The following SLC9A7 variants were observed in gnomAD, a reference collection of about 807,000 sequenced individuals.
SLC9A7 encodes the protein solute carrier family 9 member A7.
In SLC9A7, 19 loss-of-function variants were observed where a neutral mutation model predicts 52.6. The observed-to-expected ratio is 0.36, with a 90% confidence interval of 0.25 to 0.53. SLC9A7 has a LOEUF of 0.53. Among genes scored for constraint, SLC9A7 ranks in the 20% least tolerant of loss-of-function variants. The pLI, the probability that SLC9A7 is intolerant of heterozygous loss-of-function variation, is 0.91. For synonymous variants in SLC9A7, 226 were observed against 252.1 expected, an observed-to-expected ratio of 0.90 and a Z score of 0.98; for missense variants, 455 against 597.9, an observed-to-expected ratio of 0.76 and a Z score of 2.49.
chrX:46,660,522 A>G (rs2146810126), intron 7 of SLC9A7, among the ~76,000 whole-genome samples: 1 of 110,629 alleles, frequency 9.0e-6, no homozygotes, highest in East Asian at 2.9e-4. Context: ...ACAAATTTAC[A>G]AGAAAAAAAC....
chrX:46,732,941 A>G (rs1945066834), intron 1 of SLC9A7, among the ~76,000 whole-genome samples: 1 of 112,497 alleles, frequency 8.9e-6, no homozygotes, highest in South Asian at 3.6e-4. Flanking sequence ...TCTCTAGGAC[A>G]AATTAAATGA....
In SLC9A7 at chrX:46,606,273, C is replaced by T; in HGVS notation, c.*679G>A. 1.3e-6 allele frequency: 1 copy of T among 744,295 alleles called. No homozygotes were observed. The allele number at this position is 744,295 out of a possible 1,213,427, so 61.3% of individuals were successfully genotyped here. A position where few individuals can be genotyped will look rare whatever the true frequency, so the allele number is the denominator to read the frequency against. ...AACACTATTTGCCTTTGGTTTTAAA[C>T]ATTTCATAACTACTTCTTTATGGAT... is the stretch of plus-strand genomic sequence containing the variant. On this transcript the variant is annotated 3_prime_UTR_variant, in exon 17 of 17. Transcript: ENST00000616978.
intron 5 of SLC9A7, among the ~76,000 whole-genome samples, chrX:46,662,934 T>C (rs537669026): frequency 8.9e-6 from 1 of 112,739 alleles, no homozygotes; most frequent in Non-Finnish European, 1.9e-5. Context: ...CTTCAAAAAA[T>C]AATGACAATC....
At chrX:46,754,651 T>C (rs1268675190) in intron 1 of SLC9A7, among the ~76,000 whole-genome samples, 1 of 103,897 alleles carries the variant, frequency 9.6e-6, no homozygotes, top group Non-Finnish European at 1.9e-5. Flanking sequence ...CCATAGAACC[T>C]AGAGGGGCTG....
At chrX:46,684,162 T>A in intron 1 of SLC9A7, among the ~76,000 whole-genome samples, 1 of 112,268 alleles carries the variant, frequency 8.9e-6, no homozygotes, top group East Asian at 2.8e-4. Context: ...CGAAACAATT[T>A]GAAAACCTTT....
chrX:46,733,581 T>C (rs552856482), intron 1 of SLC9A7, among the ~76,000 whole-genome samples: 1 of 111,934 alleles, frequency 8.9e-6, no homozygotes, highest in East Asian at 2.8e-4. Flanking sequence ...ATATAGATGA[T>C]ACATATTTTA....
In SLC9A7 at chrX:46,748,793, G is replaced by A. The variant is rs181143771; in HGVS notation, c.325+9912C>T. 2.9e-3 allele frequency among the ~76,000 whole-genome samples: 315 copies of A among 110,405 alleles called. 1 individual carries two copies. Among genetic ancestry groups the A allele is most frequent in the African/African-American group, 9.8e-3 (299 of 30,430 alleles). On this transcript the variant is annotated intron_variant, in intron 1 of 16. Coordinates refer to ENST00000616978, the MANE Select transcript of SLC9A7 (RefSeq NM_001257291.2). ...GATTAGAGACTATTAGGGGCTAGAAGGAAGGGTGGATGGGGAGTTACTACT... is the reference window on the plus strand; with the variant it reads ...GATTAGAGACTATTAGGGGCTAGAAAGAAGGGTGGATGGGGAGTTACTACT...
intron 1 of SLC9A7, among the ~76,000 whole-genome samples, chrX:46,753,610 C>T (rs782163110): frequency 8.9e-6 from 1 of 111,961 alleles, no homozygotes; most frequent in Non-Finnish European, 1.9e-5. Flanking sequence ...ACAAATATTG[C>T]TGTCTATATA....
intron 1 of SLC9A7, among the ~76,000 whole-genome samples, chrX:46,696,700 G>T (rs1308367990): frequency 1.8e-5 from 2 of 111,654 alleles, no homozygotes; most frequent in Non-Finnish European, 3.8e-5. Context: ...CTGTCATGGA[G>T]TTTACAATCT....
In SLC9A7 at chrX:46,682,422, T is replaced by C. The variant is rs1177039549; in HGVS notation, c.439A>G (p.Ser147Gly). 32 of 1,211,092 alleles carry C rather than the reference T, an allele frequency of 2.6e-5. No individual in the cohort carries two copies. Among genetic ancestry groups the C allele is most frequent in the Non-Finnish European group, 3.5e-5 (31 of 895,052 alleles). Residue 147 changes from serine to glycine, a missense_variant, in exon 2 of 17, where the codon AGC (serine) becomes GGC (glycine). Physicochemically the swap from Ser to Gly is moderately conservative, Grantham distance 56 (BLOSUM62 0). Transcript: ENST00000616978. Reference sequence around the variant, plus strand: ...AGAGTGTATTCGAAGAACTTTCCGCTGACATTCACTAATAAGGTACTGAAG... The same window carrying C: ...AGAGTGTATTCGAAGAACTTTCCGCCGACATTCACTAATAAGGTACTGAAG... Reference protein sequence around the residue: ...RAFSTLLVNVSGKFFEYTLKG... With the variant: ...RAFSTLLVNVGGKFFEYTLKG...
chrX:46,654,826 C>T (rs1415796883), intron 7 of SLC9A7, among the ~76,000 whole-genome samples: 5 of 111,165 alleles, frequency 4.5e-5, no homozygotes, highest in Non-Finnish European at 1.9e-5. Context: ...CAATATACGT[C>T]TCCAAGGCAT....
chrX:46,727,707 G>A (rs980125691), intron 1 of SLC9A7, among the ~76,000 whole-genome samples: 4 of 112,084 alleles, frequency 3.6e-5, no homozygotes, highest in Admixed American at 9.5e-5. Context: ...TTATGATTGC[G>A]CTTGAGTCTC....
intron 1 of SLC9A7, among the ~76,000 whole-genome samples, chrX:46,720,654 C>T (rs948491530): frequency 2.7e-5 from 3 of 111,465 alleles, no homozygotes; most frequent in African/African-American, 9.8e-5. Context: ...TCACTTCCCA[C>T]TGCCATCTGC....
intron 1 of SLC9A7, among the ~76,000 whole-genome samples, chrX:46,717,799 CACAA>C (rs1187202825): frequency 1.8e-5 from 2 of 111,504 alleles, no homozygotes; most frequent in Non-Finnish European, 3.8e-5. Flanking sequence ...TAAAAGAGGA[CACAA>C]ACAAATGGAA....
intron 1 of SLC9A7, among the ~76,000 whole-genome samples, chrX:46,750,152 ACCT>A (rs1922135947): frequency 9.0e-6 from 1 of 110,628 alleles, no homozygotes; most frequent in Admixed American, 9.6e-5. Flanking sequence ...TCCCTCAGAG[ACCT>A]CCTAGGAAGT....
At position 46,635,577 on chromosome X, in the gene SLC9A7, C is replaced by T; in HGVS notation, c.1676+12G>A. The T allele has an allele frequency of 2.5e-6, 3 of 1,198,064 alleles. No homozygotes were observed. The highest frequency in any genetic ancestry group is 3.4e-6 in the Non-Finnish European group (3 of 884,040). On this transcript the variant is annotated intron_variant, in intron 13 of 16. Transcript: ENST00000616978. ...GCCCAGTTAATTTTTTCTGAGGATGCCCTTGTGTCACCTGAAGTACTGCCA... is the reference window on the plus strand; with the variant it reads ...GCCCAGTTAATTTTTTCTGAGGATGTCCTTGTGTCACCTGAAGTACTGCCA...
chrX:46,682,034 AGAG>A (rs1944217541), intron 2 of SLC9A7, among the ~76,000 whole-genome samples: 2 of 112,198 alleles, frequency 1.8e-5, no homozygotes, highest in South Asian at 7.4e-4. Context: ...GACATAGCAA[AGAG>A]GAGATGGTGG....
At position 46,606,168 on chromosome X, in the gene SLC9A7, A is replaced by T; in HGVS notation, c.*784T>A. 1.5e-6 allele frequency: 1 copy of T among 674,230 alleles called. No homozygotes were observed. Among genetic ancestry groups the T allele is most frequent in the Non-Finnish European group, 1.8e-6 (1 of 566,572 alleles). The allele number at this position is 674,230 out of a possible 1,213,427, so 55.6% of individuals were successfully genotyped here. A position where few individuals can be genotyped will look rare whatever the true frequency, so the allele number is the denominator to read the frequency against. ...AAACACCATCTCAACAAAAAAAAAA[A>T]GTTGAATGCTTTTTGCAGTGATACC... On this transcript the variant is annotated 3_prime_UTR_variant, in exon 17 of 17. Transcript: ENST00000616978.
intron 1 of SLC9A7, among the ~76,000 whole-genome samples, chrX:46,743,825 C>T (rs1921542400): frequency 9.0e-6 from 1 of 111,221 alleles, no homozygotes; most frequent in African/African-American, 3.3e-5. Context: ...TTGGCCTCCC[C>T]TAGAATCCCA....
Sources: gnomAD v4.1 joint callset for allele counts (sites outside exome capture counted in the v4.1 genomes callset) on GRCh38, gnomAD v4.1.1 for gene constraint, MANE v1.5 for transcripts, NCBI Gene and HGNC (gene_info 2026-07-23, HGNC 2026-07-21) for gene names.